Variants in FBXL5 observed in about 807,000 individuals in gnomAD.
FBXL5 encodes F-box/LRR-repeat protein 5.
A neutral mutation model predicts 78.3 loss-of-function variants in FBXL5; 26 were observed. That is an observed-to-expected ratio of 0.33 (90% CI 0.24 to 0.46). The LOEUF (loss-of-function observed/expected upper bound fraction) is 0.46, where lower values mean the gene tolerates loss of function less well. Among genes scored for constraint, FBXL5 ranks in the 20% least tolerant of loss-of-function variants. The pLI is 1.00. For synonymous variants in FBXL5, 295 were observed against 282.5 expected, an observed-to-expected ratio of 1.04 and a Z score of -0.45; for missense variants, 710 against 829.2, an observed-to-expected ratio of 0.86 and a Z score of 1.77.
chr4:15,666,994 TATCA>T (rs1717574608), intron 1 of FBXL5, among the ~76,000 whole-genome samples: 1 of 151,756 alleles, frequency 6.6e-6, no homozygotes, highest in Non-Finnish European at 1.5e-5. Flanking sequence ...AATTATAAAT[TATCA>T]ATCAAAATAA....
chr4:15,628,738 A>G (rs998691285), intron 6 of FBXL5, among the ~76,000 whole-genome samples: 6 of 150,640 alleles, frequency 4.0e-5, no homozygotes, highest in African/African-American at 2.4e-5. Context: ...CCTTGTTTAG[A>G]TATTATCCTA....
intron 6 of FBXL5, 58 bp from the exon 7 acceptor site, chr4:15,628,091 C>G (rs1713249722): frequency 6.0e-6 from 9 of 1,501,272 alleles, no homozygotes; most frequent in Non-Finnish European, 7.3e-6. Flanking sequence ...TTAAGCTACT[C>G]AAGCGCTCAC....
upstream of FBXL5, among the ~76,000 whole-genome samples, chr4:15,663,624 T>C (rs1717410354): frequency 6.6e-6 from 1 of 152,232 alleles, no homozygotes; most frequent in Non-Finnish European, 1.5e-5. Context: ...TACTACTACC[T>C]ATTCTAGTGG....
At chr4:15,666,638 CT>C (rs1410985735) in intron 1 of FBXL5, among the ~76,000 whole-genome samples, 2 of 151,790 alleles carry the variant, frequency 1.3e-5, no homozygotes, top group African/African-American at 2.4e-5. Flanking sequence ...TAAGAGAAGC[CT>C]GGGAAACATA....
intron 6 of FBXL5, 60 bp from the exon 7 acceptor site, chr4:15,628,093 A>G: frequency 6.7e-7 from 1 of 1,495,892 alleles, no homozygotes; most frequent in Non-Finnish European, 9.1e-7. Context: ...AAGCTACTCA[A>G]GCGCTCACCA....
chr4:15,645,507 A>G (rs1485595633), intron 1 of FBXL5, among the ~76,000 whole-genome samples: 1 of 151,998 alleles, frequency 6.6e-6, no homozygotes, highest in Non-Finnish European at 1.5e-5. Context: ...AGCTCACTGC[A>G]GACTCTGCCT....
At chr4:15,648,119 G>GA (rs1715559879) in intron 1 of FBXL5, among the ~76,000 whole-genome samples, 2 of 152,160 alleles carry the variant, frequency 1.3e-5, no homozygotes, top group East Asian at 3.9e-4. Context: ...AGCATCCTGA[G>GA]TTGCTGAGAT....
At chr4:15,654,806 G>A (rs898049457) in intron 1 of FBXL5, among the ~76,000 whole-genome samples, 1 of 152,148 alleles carries the variant, frequency 6.6e-6, no homozygotes, top group African/African-American at 2.4e-5. Context: ...GTGCAGATGG[G>A]AGTCCACCGC....
chr4:15,630,939 T>C lies in FBXL5; in HGVS notation c.767-148A>G, dbSNP rs143878112. 839 of 991,540 alleles carry C rather than the reference T, an allele frequency of 8.5e-4. 7 individuals carry two copies. The African/African-American group carries it at 0.012, about 15-fold the overall frequency. The allele number at this position is 991,540 out of a possible 1,614,324, so 61.4% of individuals were successfully genotyped here. ...AGCAACTGTTTTTTTTTAATACTTT[T>C]AAGTTCTACGGTACATGTGCACAAC... is the stretch of plus-strand genomic sequence containing the variant. On this transcript the variant is annotated intron_variant, in intron 5 of 10. Coordinates refer to ENST00000341285, the MANE Select transcript of FBXL5 (RefSeq NM_012161.4).
upstream of FBXL5, among the ~76,000 whole-genome samples, chr4:15,663,649 T>C (rs28394730): frequency 0.33 from 50,867 of 152,128 alleles, 8,872 homozygotes; most frequent in Non-Finnish European, 0.37. Flanking sequence ...TGGTGGAGAT[T>C]AAATGAGATT....
At chr4:15,654,984 G>T (rs554754388) in intron 1 of FBXL5, among the ~76,000 whole-genome samples, 1 of 151,706 alleles carries the variant, frequency 6.6e-6, no homozygotes, top group Non-Finnish European at 1.5e-5. Context: ...CGCCCGCCCC[G>T]AGAGCACGTC....
intron 10 of FBXL5, among the ~76,000 whole-genome samples, chr4:15,611,271 A>G (rs1179051719): frequency 6.6e-6 from 1 of 152,066 alleles, no homozygotes; most frequent in Non-Finnish European, 1.5e-5. Flanking sequence ...GGAAAACCTA[A>G]TCTCGAGAAA....
intron 1 of FBXL5, among the ~76,000 whole-genome samples, chr4:15,665,439 C>T (rs983277195): frequency 6.6e-6 from 1 of 152,144 alleles, no homozygotes; most frequent in Non-Finnish European, 1.5e-5. Context: ...TTAGGATGGT[C>T]TACCTTGCAG....
chr4:15,634,834 T>C (rs1400766481), intron 5 of FBXL5, among the ~76,000 whole-genome samples: 1 of 152,024 alleles, frequency 6.6e-6, no homozygotes, highest in Admixed American at 6.5e-5. Context: ...AATCGTGACA[T>C]AATTCTTAAT....
rs34820897 is a variant in FBXL5 at position 15,642,243 on chromosome 4, C to CT, written c.301-1361dup. 5.7e-3 allele frequency among the ~76,000 whole-genome samples: 813 copies of CT among 141,796 alleles called. 2 individuals carry two copies. Among genetic ancestry groups the CT allele is most frequent in the South Asian group, 0.018 (81 of 4,390 alleles). 93.0% of individuals were successfully genotyped at this position (141,796 alleles called of 152,430 possible). A position where few individuals can be genotyped will look rare whatever the true frequency, so the allele number is the denominator to read the frequency against. ...TGGAAAATTTATAAAATAATGAAAA[C>CT]TTTTTTTTTTTTTTTTAAGACAAGC... is the stretch of plus-strand genomic sequence containing the variant. On this transcript the variant is annotated intron_variant, in intron 2 of 10. Coordinates refer to ENST00000341285, the MANE Select transcript of FBXL5 (RefSeq NM_012161.4).
chr4:15,650,049 A>T (rs982133346), intron 1 of FBXL5, among the ~76,000 whole-genome samples: 8 of 152,206 alleles, frequency 5.3e-5, no homozygotes, highest in African/African-American at 1.9e-4. Context: ...TCACCAAGGC[A>T]GTAATTTTGC....
intron 1 of FBXL5, among the ~76,000 whole-genome samples, chr4:15,671,706 C>T (rs1398760464): frequency 6.6e-6 from 1 of 152,172 alleles, no homozygotes; most frequent in East Asian, 1.9e-4. Flanking sequence ...ACTCCCATTA[C>T]ACACTAGGGT....
chr4:15,641,731 T>A, intron 2 of FBXL5: 1 of 395,194 alleles, frequency 2.5e-6, no homozygotes, highest in South Asian at 1.9e-5. Context: ...CAACTGTACC[T>A]GTTAACATTA....
chr4:15,674,449 TCCC>T (rs912126748), intron 1 of FBXL5, among the ~76,000 whole-genome samples: 9 of 152,120 alleles, frequency 5.9e-5, no homozygotes, highest in African/African-American at 9.7e-5. Context: ...AAATAAAATG[TCCC>T]CCAATTTTTA....
Sources: allele counts gnomAD v4.1 joint callset (sites outside exome capture counted in the v4.1 genomes callset), GRCh38; gene constraint gnomAD v4.1.1; transcripts MANE v1.5; gene names NCBI Gene and HGNC (gene_info 2026-07-23, HGNC 2026-07-21).